The following KCTD10 variants were observed in gnomAD, a reference collection of about 807,000 sequenced individuals.
The protein encoded by KCTD10 is BTB/POZ domain-containing adapter for CUL3-mediated RhoA degradation protein 3.
KCTD10 carries 13 observed loss-of-function variants against 34.6 expected under a neutral mutation model. The observed-to-expected ratio is 0.38, with a 90% confidence interval of 0.24 to 0.60. KCTD10 has a LOEUF of 0.60. Among genes scored for constraint, KCTD10 ranks in the 20% least tolerant of loss-of-function variants. KCTD10 has a pLI of 0.66. For missense variants in KCTD10, 256 were observed against 420.3 expected, an observed-to-expected ratio of 0.61 and a Z score of 3.42; for synonymous variants, 156 against 168.8, an observed-to-expected ratio of 0.92 and a Z score of 0.59.
intron 2 of KCTD10, among the ~76,000 whole-genome samples, chr12:109,466,773 C>G (rs1168133162): frequency 1.3e-5 from 2 of 152,254 alleles, no homozygotes; most frequent in Non-Finnish European, 1.5e-5. Flanking sequence ...CTTTAACCAG[C>G]AAGCTGTACT....
rs1872662889 is a variant in KCTD10, at chr12:109,449,675, G to A, written c.*1920C>T. The stretch of plus-strand genomic sequence containing the variant: ...CAGGAGGCACAAGTTGTGGTAAGTG[G>A]AGATGGTGCCACTACACTCCAGCCT... On this transcript the variant is annotated 3_prime_UTR_variant, in exon 7 of 7. Transcript: ENST00000228495. The A allele has an allele frequency of 6.6e-6, 1 of 151,914 alleles. No individual in the cohort carries two copies. Among genetic ancestry groups the A allele is most frequent in the Non-Finnish European group, 1.5e-5 (1 of 68,010 alleles). The allele number at this position is 151,914 out of a possible 1,614,324, so 9.4% of individuals were successfully genotyped here. A position where few individuals can be genotyped will look rare whatever the true frequency, so the allele number is the denominator to read the frequency against.
intron 6 of KCTD10, among the ~76,000 whole-genome samples, chr12:109,452,823 G>A (rs1029711271): frequency 7.2e-6 from 1 of 139,522 alleles, no homozygotes; most frequent in Non-Finnish European, 1.6e-5. Flanking sequence ...GAGAGGCTGG[G>A]AGGAAATCCT....
chr12:109,450,451 C>G lies in KCTD10; in HGVS notation c.*1144G>C, dbSNP rs1329913395. The G allele has an allele frequency of 5.0e-6, 2 of 398,806 alleles. No homozygotes were observed. Among genetic ancestry groups the G allele is most frequent in the Admixed American group, 4.4e-5 (1 of 22,712 alleles). The allele number at this position is 398,806 out of a possible 1,614,324, so 24.7% of individuals were successfully genotyped here. On this transcript the variant is annotated 3_prime_UTR_variant, in exon 7 of 7. Coordinates refer to ENST00000228495, the MANE Select transcript of KCTD10 (RefSeq NM_031954.5). ...AGACACAAACCAGACCCAAAGTTAT[C>G]TATCTACCCGCACATCCTCAACCTG...
At chr12:109,472,939 G>A (rs148118793) in intron 1 of KCTD10, among the ~76,000 whole-genome samples, 11 of 152,340 alleles carry the variant, frequency 7.2e-5, no homozygotes, top group African/African-American at 2.6e-4. Flanking sequence ...TTGCACCTGT[G>A]TAGCCCCCAC....
At chr12:109,477,198 T>C (rs2135702348) in intron 1 of KCTD10, 62 bp downstream of exon 1, 5 of 1,604,326 alleles carry the variant, frequency 3.1e-6, no homozygotes, top group East Asian at 4.5e-5. Flanking sequence ...TCTTATACTC[T>C]GCTGCTGCCC....
chr12:109,469,232 G>T, intron 2 of KCTD10: 1 of 363,436 alleles, frequency 2.8e-6, no homozygotes, highest in Non-Finnish European at 5.1e-6. Context: ...ACCCCATCTT[G>T]GGAGGACAAG....
intron 5 of KCTD10, chr12:109,457,024 G>C (rs1276889849): frequency 1.3e-5 from 2 of 154,666 alleles, no homozygotes; most frequent in African/African-American, 4.8e-5. Context: ...ATCAACTGAT[G>C]AATGGGTAAA....
At chr12:109,459,626 G>A (rs147273737) in intron 3 of KCTD10, 1 of 152,430 alleles carries the variant, frequency 6.6e-6, no homozygotes, top group Non-Finnish European at 1.5e-5. Flanking sequence ...TGTACTGGGA[G>A]AATGGGAGAA....
chr12:109,459,722 A>T (rs1215220769), intron 3 of KCTD10: 19 of 152,244 alleles, frequency 1.2e-4, no homozygotes, highest in Admixed American at 1.2e-3. Context: ...GCCAGTAGAT[A>T]ATGTCAAAAA....
intron 1 of KCTD10, 31 bp from the exon 2 acceptor site, chr12:109,469,759 A>C (rs958178176): frequency 6.2e-7 from 1 of 1,611,014 alleles, no homozygotes; most frequent in Non-Finnish European, 8.5e-7. Flanking sequence ...GGGTCATGAC[A>C]TCAGGCCTGG....
chr12:109,469,555 G>C lies in KCTD10; in HGVS notation c.177C>G (p.Ala59=). The C allele has an allele frequency of 6.2e-7, 1 of 1,614,246 alleles. No individual in the cohort carries two copies. Among genetic ancestry groups the C allele is most frequent in the South Asian group, 1.1e-5 (1 of 91,092 alleles). ...GCACTTCCATGCGCCCGCTGAACATGGCCTTCAGCATGGTGTCCTGCTTGG... is the reference window on the plus strand; with the variant it reads ...GCACTTCCATGCGCCCGCTGAACATCGCCTTCAGCATGGTGTCCTGCTTGG... ...TLTKQDTMLK[A]MFSGRMEVLT... is the part of the protein sequence containing the mutation. The change falls in exon 2 of 7, where the codon GCC becomes GCG. Residue 59 remains alanine (A), a synonymous_variant. Coordinates refer to ENST00000228495, the MANE Select transcript of KCTD10 (RefSeq NM_031954.5).
chr12:109,457,313 G>A (rs568805776), intron 5 of KCTD10: 41 of 247,392 alleles, frequency 1.7e-4, no homozygotes, highest in South Asian at 4.7e-4. Flanking sequence ...GACTGCTAAC[G>A]AATAGAGGGT....
In KCTD10 at chr12:109,456,930, C is replaced by T. The variant is rs150086300; in HGVS notation, c.528-617G>A. On this transcript the variant is annotated intron_variant, in intron 5 of 6. Coordinates refer to ENST00000228495, the MANE Select transcript of KCTD10 (RefSeq NM_031954.5). ...AATTCTGTTCCCAGAGAAATGAAAA[C>T]GTAAGTCCACATAGAGACTTTGCAT... 8 of 157,434 alleles carry T rather than the reference C, an allele frequency of 5.1e-5. No individual in the cohort carries two copies. In the East Asian group the frequency reaches 5.6e-4, roughly 11 times the overall value. 9.8% of individuals were successfully genotyped at this position (157,434 alleles called of 1,614,324 possible). A position where few individuals can be genotyped will look rare whatever the true frequency, so the allele number is the denominator to read the frequency against.
Position 109,451,602 on chromosome 12 carries a change from TGGA to T in KCTD10, c.932_934del (p.Leu311del). On this transcript the variant is annotated inframe_deletion, in exon 7 of 7. Coordinates refer to ENST00000228495, the MANE Select transcript of KCTD10 (RefSeq NM_031954.5). This position sits in a 1 kb window ranked among gnomAD's most constrained non-coding sequence, Gnocchi z 5.0. ...GCTCGGTCTCTTGCCTGCTCACTGG[TGGA>T]GGTGGGCCCGGTCATCAGGGCGCTT... is the stretch of plus-strand genomic sequence containing the variant. 6.2e-7 allele frequency: 1 copy of T among 1,606,142 alleles called. No individual in the cohort carries two copies. Among genetic ancestry groups the T allele is most frequent in the South Asian group, 1.1e-5 (1 of 90,618 alleles).
intron 3 of KCTD10, chr12:109,459,369 G>A (rs972721946): frequency 1.3e-5 from 2 of 152,224 alleles, no homozygotes; most frequent in Non-Finnish European, 2.9e-5. Context: ...ATGTCTCCAA[G>A]ACAAAGATGA....
intron 2 of KCTD10, 135 bp downstream of exon 2, chr12:109,469,380 T>A: frequency 2.0e-6 from 2 of 1,010,978 alleles, no homozygotes; most frequent in East Asian, 5.1e-5. Context: ...AACGACCAAG[T>A]CAAGATGGTG....
chr12:109,450,218 A>AG lies in KCTD10; in HGVS notation c.*1376_*1377insC, dbSNP rs1872699402. The stretch of plus-strand genomic sequence containing the variant: ...ATTCACATCTCCTGGTAACTACTCT[A>AG]CCTAGTCTAGTCTCAACCACCCCTG... On this transcript the variant is annotated 3_prime_UTR_variant, in exon 7 of 7. Transcript: ENST00000228495. 1.0e-5 allele frequency: 4 copies of AG among 398,434 alleles called. No homozygotes were observed. Among genetic ancestry groups the AG allele is most frequent in the African/African-American group, 8.2e-5 (4 of 48,590 alleles). The allele number at this position is 398,434 out of a possible 1,614,324, so 24.7% of individuals were successfully genotyped here. A position where few individuals can be genotyped will look rare whatever the true frequency, so the allele number is the denominator to read the frequency against.
chr12:109,462,126 G>T (rs1287416720), intron 2 of KCTD10, among the ~76,000 whole-genome samples: 1 of 152,186 alleles, frequency 6.6e-6, no homozygotes, highest in Non-Finnish European at 1.5e-5. Context: ...TCTTAAGTCT[G>T]CCCGCTTTCC....
chr12:109,462,204 T>C (rs1873366010), intron 2 of KCTD10, among the ~76,000 whole-genome samples: 1 of 152,248 alleles, frequency 6.6e-6, no homozygotes, highest in Non-Finnish European at 1.5e-5. Context: ...CATAGTTTGG[T>C]ATTCTTTGCA....
Sources: gnomAD v4.1 joint callset for allele counts (sites outside exome capture counted in the v4.1 genomes callset) on GRCh38, gnomAD v4.1.1 for gene constraint, Gnocchi (gnomAD v3.1) non-coding constraint, MANE v1.5 for transcripts, NCBI Gene and HGNC (gene_info 2026-07-23, HGNC 2026-07-21) for gene names.